Variants in USP37 observed in about 807,000 individuals in gnomAD.
USP37 encodes ubiquitin specific peptidase 37.
USP37 carries 27 observed loss-of-function variants against 124.0 expected under a neutral mutation model. The ratio of observed to expected loss-of-function variants is 0.22; its 90% CI spans 0.16 to 0.30. The LOEUF (loss-of-function observed/expected upper bound fraction) is 0.30, where lower values mean the gene tolerates loss of function less well. Ranked by LOEUF, USP37 falls within the 10% of genes least tolerant of loss-of-function variation. The probability of loss-of-function intolerance (pLI) is 1.00; values close to 1 mark genes in which losing one functional copy is unlikely to be tolerated. For synonymous variants in USP37, 365 were observed against 388.0 expected (o/e 0.94, Z 0.70); for missense variants, 889 against 1,140.4 (o/e 0.78, Z 3.17).
intron 4 of USP37, among the ~76,000 whole-genome samples, chr2:218,554,346 G>A (rs948437026): frequency 5.9e-5 from 9 of 152,136 alleles, no homozygotes; most frequent in African/African-American, 1.9e-4. Flanking sequence ...TTGATCTCAT[G>A]GTAGGGAATC....
At chr2:218,520,496 T>C (rs1007410789) in intron 10 of USP37, among the ~76,000 whole-genome samples, 8 of 151,980 alleles carry the variant, frequency 5.3e-5, no homozygotes, top group Non-Finnish European at 1.2e-4. Context: ...ATTGCAGGCA[T>C]ACGCCACCAC....
intron 10 of USP37, among the ~76,000 whole-genome samples, chr2:218,529,176 G>GC (rs1418145787): frequency 6.6e-6 from 1 of 152,156 alleles, no homozygotes; most frequent in Non-Finnish European, 1.5e-5. Flanking sequence ...ATCACTACAG[G>GC]CACACGGCAC....
chr2:218,517,059 C>CTTA (rs1690332002), intron 10 of USP37, among the ~76,000 whole-genome samples: 1 of 152,238 alleles, frequency 6.6e-6, no homozygotes, highest in East Asian at 1.9e-4. Context: ...AACTGCTAAC[C>CTTA]CTACACCCCT....
At chr2:218,557,351 G>A (rs1693047222) in intron 4 of USP37, among the ~76,000 whole-genome samples, 1 of 149,318 alleles carries the variant, frequency 6.7e-6, no homozygotes, top group South Asian at 2.1e-4. Context: ...GCTGAGGATT[G>A]AAAAAAAAAT....
rs1430807796 is a variant in USP37 at position 218,452,314 on chromosome 2, A to G, written c.*2616T>C. ...ATCTAACTTGTCCCTTCCTGGCCCC[A>G]ACATGCTAACTGCCCCATCCCCAAT... On this transcript the variant is annotated 3_prime_UTR_variant, in exon 26 of 26. Transcript: ENST00000258399. 1 of 152,202 alleles carries G rather than the reference A, an allele frequency of 6.6e-6. No individual in the cohort carries two copies. The highest frequency in any genetic ancestry group is 1.5e-5 in the Non-Finnish European group (1 of 68,038). The allele number at this position is 152,202 out of a possible 1,614,324, so 9.4% of individuals were successfully genotyped here.
intron 5 of USP37, among the ~76,000 whole-genome samples, chr2:218,552,968 GCTC>G (rs1692751158): frequency 6.6e-6 from 1 of 152,036 alleles, no homozygotes; most frequent in Admixed American, 6.6e-5. Context: ...AAAAAATCCT[GCTC>G]CTTTGTCTAA....
chr2:218,497,734 A>G lies in USP37; in HGVS notation c.1281T>C (p.Asn427=). 1 of 1,613,928 alleles carries G rather than the reference A, an allele frequency of 6.2e-7. No homozygotes were observed. The highest frequency in any genetic ancestry group is 8.5e-7 in the Non-Finnish European group (1 of 1,179,948). ...ACGTTTTAAAACAATTAATACTCAC[A>G]TTCTGCATATAACCAGAGAATCTCT... ...TAERFSGYMQ[N]DAHEFLSQCL... Residue 427 remains asparagine (N), a splice_region_variant and synonymous_variant, in exon 13 of 26, where the codon AAT becomes AAC. Transcript: ENST00000258399.
chr2:218,526,416 G>T (rs942106438), intron 10 of USP37, among the ~76,000 whole-genome samples: 2 of 151,920 alleles, frequency 1.3e-5, no homozygotes, highest in Non-Finnish European at 2.9e-5. Flanking sequence ...TGTATTTTTA[G>T]TAGAGATGGG....
intron 8 of USP37, among the ~76,000 whole-genome samples, chr2:218,535,303 T>C (rs1468849623): frequency 1.3e-5 from 2 of 150,926 alleles, no homozygotes; most frequent in Non-Finnish European, 2.9e-5. Context: ...GAGGTGGAGG[T>C]TGCAGTGAGC....
At chr2:218,553,318 A>G (rs1351304318) in intron 5 of USP37, among the ~76,000 whole-genome samples, 1 of 152,108 alleles carries the variant, frequency 6.6e-6, no homozygotes, top group Non-Finnish European at 1.5e-5. Flanking sequence ...CAATGTTTTC[A>G]TCTGCAACAA....
At chr2:218,462,995 C>T (rs1164515438) in intron 22 of USP37, among the ~76,000 whole-genome samples, 1 of 151,908 alleles carries the variant, frequency 6.6e-6, no homozygotes, top group Non-Finnish European at 1.5e-5. Context: ...TGGTGAAACC[C>T]CGTCTCTACT....
chr2:218,498,156 A>T lies in USP37; in HGVS notation c.1027T>A (p.Phe343Ile). ...SSHQQQQLQG[F>I]SNLGNTCYMN... ...TAGCAGGTATTTCCCAAATTGGAGAAGCTGAAAATTAAAGAAATAGTGCTT... is the reference window on the plus strand; with the variant it reads ...TAGCAGGTATTTCCCAAATTGGAGATGCTGAAAATTAAAGAAATAGTGCTT... Residue 343 changes from phenylalanine to isoleucine, a missense_variant and splice_region_variant, in exon 12 of 26, where the codon TTC becomes ATC. Transcript: ENST00000258399. The T allele has an allele frequency of 6.3e-7, 1 of 1,589,902 alleles. No homozygotes were observed. The highest frequency in any genetic ancestry group is 8.5e-7 in the Non-Finnish European group (1 of 1,173,342).
At chr2:218,487,464 A>T (rs1474914441) in intron 15 of USP37, among the ~76,000 whole-genome samples, 1 of 152,124 alleles carries the variant, frequency 6.6e-6, no homozygotes, top group African/African-American at 2.4e-5. Flanking sequence ...TTCTGTCGCC[A>T]GGCTGGAGTG....
chr2:218,460,801 T>C (rs1689976590), intron 22 of USP37, among the ~76,000 whole-genome samples: 1 of 151,804 alleles, frequency 6.6e-6, no homozygotes, highest in Non-Finnish European at 1.5e-5. Flanking sequence ...ATTAGCCAGG[T>C]GTGGTGGCGC....
At chr2:218,523,598 G>A (rs1405817469) in intron 10 of USP37, among the ~76,000 whole-genome samples, 1 of 151,670 alleles carries the variant, frequency 6.6e-6, no homozygotes, top group Non-Finnish European at 1.5e-5. Context: ...TCCTTTTTCT[G>A]TGGAGAACAG....
chr2:218,503,013 A>G (rs1156453900), intron 11 of USP37, among the ~76,000 whole-genome samples: 1 of 152,256 alleles, frequency 6.6e-6, no homozygotes, highest in African/African-American at 2.4e-5. Flanking sequence ...AAATACTGAA[A>G]GAAACACATT....
intron 9 of USP37, among the ~76,000 whole-genome samples, chr2:218,532,466 CAAA>C (rs35277725): frequency 5.2e-5 from 6 of 115,392 alleles, no homozygotes; most frequent in Admixed American, 9.0e-5. Context: ...GACTCTGTCT[CAAA>C]AAAAAAAAAA....
At chr2:218,504,052 C>T (rs1046543585) in intron 11 of USP37, among the ~76,000 whole-genome samples, 4 of 152,132 alleles carry the variant, frequency 2.6e-5, no homozygotes, top group Admixed American at 6.5e-5. Flanking sequence ...CATTTCATAA[C>T]AATAGGGAGG....
In USP37 at chr2:218,451,060, TA is replaced by T. The variant is rs1189636775; in HGVS notation, c.*3869del. 2.0e-5 allele frequency: 3 copies of T among 152,120 alleles called. No homozygotes were observed. Among genetic ancestry groups the T allele is most frequent in the Non-Finnish European group, 4.4e-5 (3 of 68,008 alleles). 9.4% of individuals were successfully genotyped at this position (152,120 alleles called of 1,614,324 possible). ...GGCCTAACAAATTAGAATTTTCCAA[TA>T]AAAAATATATATTTTTTCAGATGTT... is the stretch of plus-strand genomic sequence containing the variant. On this transcript the variant is annotated 3_prime_UTR_variant, in exon 26 of 26. Coordinates refer to ENST00000258399, the MANE Select transcript of USP37 (RefSeq NM_020935.3).
Sources: gnomAD v4.1 joint callset for allele counts (sites outside exome capture counted in the v4.1 genomes callset) on GRCh38, gnomAD v4.1.1 for gene constraint, MANE v1.5 for transcripts, NCBI Gene and HGNC (gene_info 2026-07-23, HGNC 2026-07-21) for gene names.